RPS6KC1: variants seen among roughly 807,000 people sequenced by gnomAD.
The protein encoded by RPS6KC1 is inactive ribosomal protein S6 kinase delta-1.
A neutral mutation model predicts 103.8 loss-of-function variants in RPS6KC1; 54 were observed. The ratio of observed to expected loss-of-function variants is 0.52; its 90% CI spans 0.42 to 0.65. The LOEUF is 0.65. Ranked by LOEUF, RPS6KC1 falls within the 30% of genes least tolerant of loss-of-function variation. The probability of loss-of-function intolerance (pLI) is 0.00; values close to 1 mark genes in which losing one functional copy is unlikely to be tolerated. For synonymous variants in RPS6KC1, 439 were observed against 438.7 expected, an observed-to-expected ratio of 1.00 and a Z score of -0.01; for missense variants, 1,151 against 1,253.8, an observed-to-expected ratio of 0.92 and a Z score of 1.24.
the RPS6KC1 span, among the ~76,000 whole-genome samples, chr1:213,776,324 A>C: frequency 1.3e-5 from 2 of 152,146 alleles, no homozygotes. Flanking sequence ...TTCTTATATA[A>C]TAAGACTTGA....
chr1:213,185,110 T>C (rs979800833), intron 8 of RPS6KC1, among the ~76,000 whole-genome samples: 2 of 152,204 alleles, frequency 1.3e-5, no homozygotes, highest in African/African-American at 4.8e-5. Flanking sequence ...TGTATTGCAA[T>C]CTGTCTTTTC....
intron 13 of RPS6KC1, 57 bp from the exon 14 acceptor site, chr1:213,262,664 A>C: frequency 8.9e-7 from 1 of 1,129,084 alleles, no homozygotes; most frequent in Non-Finnish European, 1.4e-6. Flanking sequence ...AAATCCTATG[A>C]TAGAACAAAA....
intron 2 of RPS6KC1, among the ~76,000 whole-genome samples, chr1:213,074,512 T>C (rs12065249): frequency 0.055 from 8,373 of 152,294 alleles, 267 homozygotes; most frequent in African/African-American, 0.08. Flanking sequence ...TGGAAGTATA[T>C]CTTTGTTCAC....
chr1:213,628,440 G>C, the RPS6KC1 span, among the ~76,000 whole-genome samples: 8 of 151,366 alleles, frequency 5.3e-5, no homozygotes, highest in Middle Eastern at 3.4e-3. Flanking sequence ...GCTCTGATCT[G>C]TTACTTCTTG....
the RPS6KC1 span, among the ~76,000 whole-genome samples, chr1:213,363,749 C>CCTTCTT: frequency 2.6e-4 from 16 of 60,718 alleles, 1 homozygote; most frequent in African/African-American, 1.6e-3. Context: ...TCTCTTCTTT[C>CCTTCTT]TCTTTCTCTC....
chr1:213,613,003 G>T, the RPS6KC1 span, among the ~76,000 whole-genome samples: 2 of 152,138 alleles, frequency 1.3e-5, no homozygotes, highest in Non-Finnish European at 2.9e-5. Context: ...GACTCTCATC[G>T]CTTTTATGTC....
the RPS6KC1 span, among the ~76,000 whole-genome samples, chr1:213,481,788 A>C: frequency 5.3e-5 from 8 of 152,178 alleles, no homozygotes; most frequent in Non-Finnish European, 1.0e-4. Context: ...ATAAATTATA[A>C]ATTATATTTA....
chr1:213,186,208 CT>C (rs568190593), intron 8 of RPS6KC1, among the ~76,000 whole-genome samples: 176 of 142,768 alleles, frequency 1.2e-3, no homozygotes, highest in African/African-American at 3.2e-3. Flanking sequence ...TTTTTTAAAC[CT>C]TTTTTTTTTC....
At chr1:213,363,759 CT>C in the RPS6KC1 span, among the ~76,000 whole-genome samples, 42 of 56,630 alleles carry the variant, frequency 7.4e-4, 5 homozygotes, top group South Asian at 4.0e-3. Flanking sequence ...CTCTTTCTCT[CT>C]TCTTTCTTTC....
the RPS6KC1 span, among the ~76,000 whole-genome samples, chr1:213,460,354 T>C: frequency 1.3e-5 from 2 of 152,042 alleles, no homozygotes; most frequent in African/African-American, 4.8e-5. Flanking sequence ...TCTCTTTTGA[T>C]GTTTGTTGGT....
At chr1:213,542,083 A>G in the RPS6KC1 span, among the ~76,000 whole-genome samples, 1 of 151,820 alleles carries the variant, frequency 6.6e-6, no homozygotes, top group Non-Finnish European at 1.5e-5. Flanking sequence ...GAGAATGTTG[A>G]AAGATCAGGA....
At chr1:213,816,169 A>G in the RPS6KC1 span, among the ~76,000 whole-genome samples, 1 of 152,204 alleles carries the variant, frequency 6.6e-6, no homozygotes, top group African/African-American at 2.4e-5. Context: ...ACAGATCATC[A>G]TAACAGATAT....
chr1:213,289,036 C>T, the RPS6KC1 span, among the ~76,000 whole-genome samples: 1 of 152,170 alleles, frequency 6.6e-6, no homozygotes, highest in African/African-American at 2.4e-5. Context: ...TGAACTTCGG[C>T]GATGCTGGTC....
At chr1:213,064,799 T>C (rs1205515785) in intron 1 of RPS6KC1, among the ~76,000 whole-genome samples, 1 of 147,382 alleles carries the variant, frequency 6.8e-6, no homozygotes, top group African/African-American at 2.5e-5. Context: ...TGCCTCAGCC[T>C]CCCGAGTAAC....
At chr1:213,398,196 C>CTTT in the RPS6KC1 span, among the ~76,000 whole-genome samples, 15 of 109,444 alleles carry the variant, frequency 1.4e-4, no homozygotes, top group East Asian at 2.4e-4. Context: ...CACACCTGGC[C>CTTT]TTTTTTTTTT....
At chr1:213,495,680 A>G in the RPS6KC1 span, among the ~76,000 whole-genome samples, 1 of 152,196 alleles carries the variant, frequency 6.6e-6, no homozygotes, top group South Asian at 2.1e-4. Context: ...TAACTTACCT[A>G]AGGTTACACA....
At chr1:213,813,696 G>C in the RPS6KC1 span, among the ~76,000 whole-genome samples, 1 of 152,142 alleles carries the variant, frequency 6.6e-6, no homozygotes, top group Non-Finnish European at 1.5e-5. Flanking sequence ...GGAGGGTGGA[G>C]AATCTGTTCT....
At chr1:213,123,585 T>C (rs2084641371) in intron 5 of RPS6KC1, among the ~76,000 whole-genome samples, 1 of 152,200 alleles carries the variant, frequency 6.6e-6, no homozygotes, top group Non-Finnish European at 1.5e-5. Context: ...TACAGGAATC[T>C]TAACTAGCAT....
chr1:213,705,440 A>G, the RPS6KC1 span, among the ~76,000 whole-genome samples: 500 of 152,266 alleles, frequency 3.3e-3, 2 homozygotes, highest in African/African-American at 0.012. Flanking sequence ...GACTACTACC[A>G]ATGTACCCTT....
Sources: allele counts gnomAD v4.1 joint callset (sites outside exome capture counted in the v4.1 genomes callset), GRCh38; gene constraint gnomAD v4.1.1; transcripts MANE v1.5; gene names NCBI Gene and HGNC (gene_info 2026-07-23, HGNC 2026-07-21).